The following PREX2 variants were observed in gnomAD, a reference collection of about 807,000 sequenced individuals.
The protein encoded by PREX2 is phosphatidylinositol 3,4,5-trisphosphate-dependent Rac exchanger 2 protein.
Under a neutral mutation model 203.2 loss-of-function variants are expected in PREX2, and 107 were observed. That is an observed-to-expected ratio of 0.53 (90% CI 0.45 to 0.62). PREX2 has a LOEUF of 0.62. Among genes scored for constraint, PREX2 ranks in the 20% least tolerant of loss-of-function variants. The pLI, the probability that PREX2 is intolerant of heterozygous loss-of-function variation, is 0.00. For missense variants in PREX2, 1,777 were observed against 1,955.9 expected (o/e 0.91, Z 1.72); for synonymous variants, 672 against 663.6 (o/e 1.01, Z -0.19).
intron 1 of PREX2, 70 bp from the exon 2 acceptor site, chr8:68,017,776 A>T: frequency 7.7e-7 from 1 of 1,291,510 alleles, no homozygotes; most frequent in Non-Finnish European, 1.1e-6. Context: ...AAATTAGTTT[A>T]ATTCTACTCA....
chr8:68,127,670 A>T (rs1810922124), intron 31 of PREX2, among the ~76,000 whole-genome samples: 1 of 151,898 alleles, frequency 6.6e-6, no homozygotes, highest in African/African-American at 2.4e-5. Flanking sequence ...ATGAAAACAT[A>T]TATGAATATA....
At chr8:68,103,766 T>G in intron 23 of PREX2, 1 of 517,650 alleles carries the variant, frequency 1.9e-6, no homozygotes, top group Non-Finnish European at 3.9e-6. Flanking sequence ...TGACCCCACA[T>G]ATGCCTGGTT....
In PREX2 at chr8:68,192,323, T is replaced by C. The variant is rs1163634555; in HGVS notation, c.4414-12T>C. The stretch of plus-strand genomic sequence containing the variant: ...CATGTTGAACTTGACGTTCATCACT[T>C]TTTTTCTGCAGCTAATGAGGCCTCT... On this transcript the variant is annotated splice_polypyrimidine_tract_variant and intron_variant, in intron 36 of 39. Coordinates refer to ENST00000288368, the MANE Select transcript of PREX2 (RefSeq NM_024870.4). The C allele has an allele frequency of 6.4e-7, 1 of 1,574,462 alleles. No homozygotes were observed. Among genetic ancestry groups the C allele is most frequent in the African/African-American group, 1.4e-5 (1 of 73,790 alleles).
chr8:68,011,432 TA>T (rs11387261), intron 1 of PREX2, among the ~76,000 whole-genome samples: 1 of 150,838 alleles, frequency 6.6e-6, no homozygotes, highest in Non-Finnish European at 1.5e-5. Flanking sequence ...GCTTTGTATT[TA>T]AAAAAAAACA....
Position 67,959,703 on chromosome 8 carries a change from T to C in PREX2, c.141+7168T>C, listed in dbSNP as rs1805581450. Among the ~76,000 whole-genome samples the C allele has an allele frequency of 2.6e-5, 4 of 152,260 alleles. No homozygotes were observed. The South Asian group carries it at 8.3e-4, about 32-fold the overall frequency. ...AATGGGCAAGCTGTCACTTGTGTAT[T>C]TTACAAATTCTGCTGCTTCTCCAGT... On this transcript the variant is annotated intron_variant, in intron 1 of 39. Coordinates refer to ENST00000288368, the MANE Select transcript of PREX2 (RefSeq NM_024870.4).
Position 67,952,385 on chromosome 8 carries a change from G to T in PREX2, c.-10G>T. The T allele has an allele frequency of 1.3e-6, 2 of 1,529,148 alleles. No individual in the cohort carries two copies. The highest frequency in any genetic ancestry group is 1.8e-6 in the Non-Finnish European group (2 of 1,139,272). The allele number at this position is 1,529,148 out of a possible 1,614,324, so 94.7% of individuals were successfully genotyped here. ...GGCGGGCAGCGCCGCGCTGCGCACC[G>T]CCGCCGACCATGAGCGAGGACAGCC... On this transcript the variant is annotated 5_prime_UTR_variant, in exon 1 of 40. Transcript: ENST00000288368.
intron 1 of PREX2, among the ~76,000 whole-genome samples, chr8:67,989,533 C>T (rs1007625897): frequency 1.3e-5 from 2 of 152,070 alleles, no homozygotes; most frequent in Non-Finnish European, 2.9e-5. Context: ...AACTGTTTAG[C>T]CAAATTAGCC....
chr8:68,065,987 A>G (rs1809005782), intron 11 of PREX2, among the ~76,000 whole-genome samples: 1 of 152,196 alleles, frequency 6.6e-6, no homozygotes, highest in Non-Finnish European at 1.5e-5. Context: ...GATCACCACA[A>G]TCAAGCTAAT....
chr8:68,072,104 T>A (rs1220938960), intron 13 of PREX2, among the ~76,000 whole-genome samples: 2 of 152,038 alleles, frequency 1.3e-5, no homozygotes, highest in African/African-American at 2.4e-5. Flanking sequence ...TAAATAAGAG[T>A]TAAGTTCCAA....
At chr8:68,190,160 C>A (rs1322534304) in intron 35 of PREX2, among the ~76,000 whole-genome samples, 1 of 152,064 alleles carries the variant, frequency 6.6e-6, no homozygotes, top group East Asian at 1.9e-4. Flanking sequence ...AATAATTTAC[C>A]AACACTTTGA....
intron 20 of PREX2, among the ~76,000 whole-genome samples, chr8:68,091,462 A>G (rs1285596476): frequency 6.6e-6 from 1 of 152,216 alleles, no homozygotes; most frequent in East Asian, 1.9e-4. Context: ...CCTGTCATGG[A>G]TAATGAAGTA....
At chr8:68,055,182 T>G (rs1808637442) in intron 9 of PREX2, among the ~76,000 whole-genome samples, 1 of 152,180 alleles carries the variant, frequency 6.6e-6, no homozygotes, top group Non-Finnish European at 1.5e-5. Context: ...TCCCACTGGT[T>G]AAAACACTTA....
chr8:68,096,626 A>AT (rs1347248238), intron 21 of PREX2, among the ~76,000 whole-genome samples: 3 of 151,990 alleles, frequency 2.0e-5, no homozygotes, highest in Non-Finnish European at 2.9e-5. Context: ...TTCTTTATGG[A>AT]TTTTTTTCCT....
At chr8:67,963,236 C>T (rs1456963263) in intron 1 of PREX2, among the ~76,000 whole-genome samples, 6 of 152,038 alleles carry the variant, frequency 3.9e-5, no homozygotes, top group African/African-American at 1.4e-4. Context: ...TTCTCCCTGG[C>T]TGGTATGAGG....
chr8:68,066,645 A>AT (rs1488387988), intron 11 of PREX2, among the ~76,000 whole-genome samples: 8 of 151,862 alleles, frequency 5.3e-5, no homozygotes, highest in African/African-American at 1.9e-4. Context: ...GTTTGTAAAT[A>AT]TTTTTCCTAT....
chr8:68,168,616 C>T (rs1331515162), intron 35 of PREX2, among the ~76,000 whole-genome samples: 3 of 152,066 alleles, frequency 2.0e-5, no homozygotes, highest in Non-Finnish European at 4.4e-5. Context: ...TCAATAATGC[C>T]TTCTCATTTT....
chr8:68,121,828 A>G (rs570532693), intron 30 of PREX2, among the ~76,000 whole-genome samples: 1 of 152,284 alleles, frequency 6.6e-6, no homozygotes, highest in South Asian at 2.1e-4. Flanking sequence ...GATGCTGCTG[A>G]ACATTCTAGA....
intron 1 of PREX2, among the ~76,000 whole-genome samples, chr8:67,990,576 C>T (rs1394722927): frequency 6.7e-6 from 1 of 150,184 alleles, no homozygotes; most frequent in Non-Finnish European, 1.5e-5. Flanking sequence ...GTGGCATGAT[C>T]TCAGCTCACT....
chr8:68,183,724 C>A (rs530091581), intron 35 of PREX2, among the ~76,000 whole-genome samples: 54 of 152,184 alleles, frequency 3.5e-4, no homozygotes, highest in African/African-American at 1.2e-3. Flanking sequence ...ATGGAGGCTT[C>A]TCAAAAAGGA....
Sources: allele counts gnomAD v4.1 joint callset (sites outside exome capture counted in the v4.1 genomes callset), GRCh38; gene constraint gnomAD v4.1.1; transcripts MANE v1.5; gene names NCBI Gene and HGNC (gene_info 2026-07-23, HGNC 2026-07-21).